Variants in CHST9 observed in about 807,000 individuals in gnomAD.
CHST9 encodes the protein GalNAc-4-sulfotransferase 2.
A neutral mutation model predicts 44.4 loss-of-function variants in CHST9; 41 were observed. That is an observed-to-expected ratio of 0.92 (90% CI 0.72 to 1.20). The LOEUF (loss-of-function observed/expected upper bound fraction) is 1.20, where lower values mean the gene tolerates loss of function less well. Ranked by LOEUF, CHST9 falls within the 50% of genes most tolerant of loss-of-function variation. The probability of loss-of-function intolerance (pLI) is 0.00; values close to 1 mark genes in which losing one functional copy is unlikely to be tolerated. For synonymous variants in CHST9, 171 were observed against 178.4 expected (o/e 0.96, Z 0.33); for missense variants, 504 against 516.5 (o/e 0.98, Z 0.23).
intron 5 of CHST9, among the ~76,000 whole-genome samples, chr18:26,940,668 G>A (rs1217409075): frequency 6.6e-6 from 1 of 152,152 alleles, no homozygotes; most frequent in Non-Finnish European, 1.5e-5. Context: ...CCCATCAGAA[G>A]TGCCCAGTGC....
intron 5 of CHST9, among the ~76,000 whole-genome samples, chr18:26,932,437 T>A (rs1476939684): frequency 6.6e-6 from 1 of 152,166 alleles, no homozygotes; most frequent in African/African-American, 2.4e-5. Context: ...ACTCCATCAA[T>A]GTTGTTTTTT....
chr18:26,942,366 A>T (rs1267771259), intron 5 of CHST9, among the ~76,000 whole-genome samples: 1 of 152,204 alleles, frequency 6.6e-6, no homozygotes, highest in East Asian at 1.9e-4. Context: ...ATCTGTTCTG[A>T]GAATGACTGT....
intron 3 of CHST9, among the ~76,000 whole-genome samples, chr18:27,046,019 T>C (rs1018381862): frequency 2.2e-4 from 33 of 152,062 alleles, no homozygotes; most frequent in Non-Finnish European, 5.9e-5. Context: ...CCATTATACA[T>C]AGTAGAGCCA....
At chr18:27,031,010 C>T (rs965511032) in intron 3 of CHST9, among the ~76,000 whole-genome samples, 4 of 152,156 alleles carry the variant, frequency 2.6e-5, no homozygotes, top group African/African-American at 9.7e-5. Context: ...CCACCCCCAT[C>T]CCATAAGTGT....
intron 5 of CHST9, among the ~76,000 whole-genome samples, chr18:26,929,913 C>G (rs2055845938): frequency 6.6e-6 from 1 of 152,146 alleles, no homozygotes; most frequent in Non-Finnish European, 1.5e-5. Context: ...CAACCCTGCC[C>G]AACATGCCAA....
At chr18:27,089,822 T>TTA (rs1392663338) in intron 2 of CHST9, among the ~76,000 whole-genome samples, 1 of 150,440 alleles carries the variant, frequency 6.6e-6, no homozygotes, top group African/African-American at 2.5e-5. Context: ...TTTTTTTTTT[T>TTA]TTTTTTGAGA....
chr18:27,096,634 G>A (rs1319049856), intron 2 of CHST9, among the ~76,000 whole-genome samples: 6 of 151,844 alleles, frequency 4.0e-5, no homozygotes, highest in South Asian at 2.1e-4. Flanking sequence ...CAAAAGATCC[G>A]TAGAGAGTAT....
intron 1 of CHST9, among the ~76,000 whole-genome samples, chr18:27,165,972 C>T (rs2058786869): frequency 6.6e-6 from 1 of 152,238 alleles, no homozygotes; most frequent in South Asian, 2.1e-4. Context: ...AATTCCTGAC[C>T]CCTTTGTGGC....
intron 4 of CHST9, among the ~76,000 whole-genome samples, chr18:26,968,794 G>T (rs1854366239): frequency 6.6e-6 from 1 of 152,038 alleles, no homozygotes; most frequent in Non-Finnish European, 1.5e-5. Context: ...TGACACATTT[G>T]AAATTTATTT....
chr18:26,989,186 T>C (rs898084395), intron 4 of CHST9, among the ~76,000 whole-genome samples: 1 of 152,280 alleles, frequency 6.6e-6, no homozygotes, highest in Non-Finnish European at 1.5e-5. Flanking sequence ...ATGCAAAGCA[T>C]ATCACTGATA....
At chr18:26,996,043 T>C (rs889156696) in intron 4 of CHST9, among the ~76,000 whole-genome samples, 1 of 152,328 alleles carries the variant, frequency 6.6e-6, no homozygotes, top group East Asian at 1.9e-4. Flanking sequence ...TACTCGTTGC[T>C]TACATGTCTT....
At chr18:27,158,206 A>T (rs147254157) in intron 1 of CHST9, among the ~76,000 whole-genome samples, 244 of 152,250 alleles carry the variant, frequency 1.6e-3, no homozygotes, top group African/African-American at 5.6e-3. Flanking sequence ...TGCACCCATC[A>T]ACTCATCATT....
At chr18:26,963,208 C>G (rs551421405) in intron 4 of CHST9, among the ~76,000 whole-genome samples, 335 of 152,248 alleles carry the variant, frequency 2.2e-3, no homozygotes, top group Non-Finnish European at 4.3e-3. Flanking sequence ...TCCACTGTCT[C>G]AAACTGTCTT....
intron 3 of CHST9, among the ~76,000 whole-genome samples, chr18:27,028,146 C>G (rs1008828704): frequency 1.6e-4 from 24 of 152,112 alleles, no homozygotes; most frequent in Admixed American, 1.5e-3. Flanking sequence ...AAACTCTTGA[C>G]CTTGTGATCT....
intron 3 of CHST9, among the ~76,000 whole-genome samples, chr18:27,028,245 T>C (rs896987745): frequency 3.9e-5 from 6 of 152,172 alleles, no homozygotes; most frequent in African/African-American, 1.4e-4. Context: ...TAACTCAATT[T>C]TATTGAGTCT....
At chr18:27,084,970 T>C (rs1485264276) in intron 2 of CHST9, among the ~76,000 whole-genome samples, 1 of 152,106 alleles carries the variant, frequency 6.6e-6, no homozygotes, top group East Asian at 1.9e-4. Flanking sequence ...AGAGATCTTA[T>C]TATTAATTTC....
chr18:27,145,842 C>T (rs1298855515), intron 1 of CHST9, among the ~76,000 whole-genome samples: 1 of 152,162 alleles, frequency 6.6e-6, no homozygotes, highest in Admixed American at 6.5e-5. Flanking sequence ...CAAATTGAAT[C>T]CCTCAAGGGA....
chr18:27,005,047 T>C (rs2056999858), intron 4 of CHST9, among the ~76,000 whole-genome samples: 1 of 152,186 alleles, frequency 6.6e-6, no homozygotes, highest in African/African-American at 2.4e-5. Context: ...GCTATACTTT[T>C]CCAGTTATGA....
At chr18:26,976,185 A>C (rs371728565) in intron 4 of CHST9, among the ~76,000 whole-genome samples, 1 of 152,082 alleles carries the variant, frequency 6.6e-6, no homozygotes. Context: ...ATTCTGGTGC[A>C]TTCTTAGGAC....
Sources: allele counts gnomAD v4.1 joint callset (sites outside exome capture counted in the v4.1 genomes callset), GRCh38; gene constraint gnomAD v4.1.1; transcripts MANE v1.5; gene names NCBI Gene and HGNC (gene_info 2026-07-23, HGNC 2026-07-21).